Variants in FRMD3 observed in about 807,000 individuals in gnomAD.
The protein encoded by FRMD3 is FERM domain containing 3.
A neutral mutation model predicts 70.2 loss-of-function variants in FRMD3; 33 were observed. The ratio of observed to expected loss-of-function variants is 0.47; its 90% CI spans 0.36 to 0.63. The LOEUF (loss-of-function observed/expected upper bound fraction) is 0.63. Among genes scored for constraint, FRMD3 ranks in the 20% least tolerant of loss-of-function variants. FRMD3 has a pLI of 0.00. For missense variants in FRMD3, 632 were observed against 711.4 expected (o/e 0.89, Z 1.27); for synonymous variants, 279 against 255.9 (o/e 1.09, Z -0.86).
chr9:83,310,161 T>C (rs1205466630), intron 9 of FRMD3, among the ~76,000 whole-genome samples: 5 of 152,200 alleles, frequency 3.3e-5, no homozygotes, highest in African/African-American at 1.2e-4. Context: ...TTTAGCTTTG[T>C]AAGTATTCTT....
chr9:83,461,663 CCCTTTTTTTTTTTTTTTT>C (rs1827975186), intron 1 of FRMD3, among the ~76,000 whole-genome samples: 1 of 126,068 alleles, frequency 7.9e-6, no homozygotes, highest in African/African-American at 2.9e-5. Flanking sequence ...TCAGGAATTT[CCCTTTTTTTTTTTTTTTT>C]TTTTTTTTTT....
chr9:83,531,656 T>C (rs1829794179), intron 1 of FRMD3, among the ~76,000 whole-genome samples: 1 of 152,216 alleles, frequency 6.6e-6, no homozygotes. Context: ...TGGACCTAGC[T>C]TGGATTTCAC....
intron 13 of FRMD3, among the ~76,000 whole-genome samples, chr9:83,263,289 C>T (rs1449124552): frequency 6.6e-6 from 1 of 152,174 alleles, no homozygotes. Context: ...ATTAGAATTC[C>T]TCATTACTTG....
chr9:83,444,458 T>C (rs1564080259), intron 1 of FRMD3, among the ~76,000 whole-genome samples: 1 of 152,342 alleles, frequency 6.6e-6, no homozygotes, highest in East Asian at 1.9e-4. Flanking sequence ...TCTTCAAATC[T>C]TTCCAGGCAA....
chr9:83,299,706 G>A (rs752674868), intron 10 of FRMD3, among the ~76,000 whole-genome samples: 1 of 152,208 alleles, frequency 6.6e-6, no homozygotes, highest in East Asian at 1.9e-4. Flanking sequence ...CAAGGGTCCC[G>A]CATCACCACA....
the FRMD3 span, among the ~76,000 whole-genome samples, chr9:83,572,593 T>C: frequency 2.6e-5 from 4 of 152,162 alleles, 1 homozygote; most frequent in South Asian, 6.2e-4. Flanking sequence ...GGAGAGTAAA[T>C]AGATTAGAGA....
chr9:83,292,560 T>C (rs1162791585), intron 12 of FRMD3, among the ~76,000 whole-genome samples: 1 of 152,256 alleles, frequency 6.6e-6, no homozygotes, highest in Non-Finnish European at 1.5e-5. Context: ...CATATCTATG[T>C]ATAATCCACT....
chr9:83,561,208 A>C, the FRMD3 span, among the ~76,000 whole-genome samples: 1 of 152,210 alleles, frequency 6.6e-6, no homozygotes. Flanking sequence ...AACAAACAGA[A>C]GATATAAGGA....
At chr9:83,310,574 G>A (rs1468166148) in intron 8 of FRMD3, 26 bp from the exon 9 acceptor site, 4 of 1,569,484 alleles carry the variant, frequency 2.5e-6, no homozygotes, top group Non-Finnish European at 3.4e-6. Flanking sequence ...CTCTGGGTAA[G>A]AAGAAAAAAA....
At chr9:83,244,537 A>C (rs1831998119), downstream of FRMD3, 1 of 308,172 alleles carries the variant, frequency 3.2e-6, no homozygotes, top group Non-Finnish European at 4.7e-6. Flanking sequence ...ACCTCATTTC[A>C]TGGTCCTAGA....
chr9:83,581,071 T>C, the FRMD3 span, among the ~76,000 whole-genome samples: 1 of 150,994 alleles, frequency 6.6e-6, no homozygotes. Context: ...TTGAAAATTT[T>C]CATATTAAAG....
At chr9:83,363,748 G>A (rs888412680) in intron 3 of FRMD3, among the ~76,000 whole-genome samples, 2 of 152,026 alleles carry the variant, frequency 1.3e-5, no homozygotes, top group Non-Finnish European at 2.9e-5. Flanking sequence ...TAGAGACGGG[G>A]TTTCACCATG....
chr9:83,540,343 T>C (rs1431922938), upstream of FRMD3, among the ~76,000 whole-genome samples: 2 of 152,266 alleles, frequency 1.3e-5, no homozygotes, highest in South Asian at 2.1e-4. Context: ...AAGAGTCATA[T>C]CAATACCCAA....
At chr9:83,439,145 T>C (rs867483992) in intron 1 of FRMD3, among the ~76,000 whole-genome samples, 26 of 152,208 alleles carry the variant, frequency 1.7e-4, no homozygotes, top group African/African-American at 5.8e-4. Context: ...CATATAATAA[T>C]TTATCTTTCG....
At chr9:83,584,476 T>G in the FRMD3 span, among the ~76,000 whole-genome samples, 3 of 152,068 alleles carry the variant, frequency 2.0e-5, no homozygotes, top group Non-Finnish European at 4.4e-5. Context: ...CCTTCACTCT[T>G]TCATCCCCGT....
At chr9:83,410,367 T>C (rs924335046) in intron 1 of FRMD3, among the ~76,000 whole-genome samples, 2 of 152,190 alleles carry the variant, frequency 1.3e-5, no homozygotes, top group African/African-American at 4.8e-5. Context: ...GTACTCAATG[T>C]TTACCTGCCA....
intron 6 of FRMD3, among the ~76,000 whole-genome samples, chr9:83,326,009 CTG>C (rs1332263076): frequency 6.6e-6 from 1 of 152,154 alleles, no homozygotes; most frequent in African/African-American, 2.4e-5. Flanking sequence ...GCAATGAAGA[CTG>C]TATGTTCTAC....
intron 3 of FRMD3, among the ~76,000 whole-genome samples, chr9:83,356,361 C>T (rs1251444522): frequency 1.1e-4 from 16 of 149,392 alleles, no homozygotes; most frequent in African/African-American, 3.0e-4. Context: ...CTGCAAGCTC[C>T]GCCTCCCGGG....
intron 6 of FRMD3, among the ~76,000 whole-genome samples, chr9:83,323,406 A>G (rs1224877153): frequency 6.6e-6 from 1 of 152,256 alleles, no homozygotes; most frequent in Admixed American, 6.5e-5. Context: ...GCCAAATGCT[A>G]CAGTTCAAAT....
Sources: gnomAD v4.1 joint callset for allele counts (sites outside exome capture counted in the v4.1 genomes callset) on GRCh38, gnomAD v4.1.1 for gene constraint, MANE v1.5 for transcripts, NCBI Gene and HGNC (gene_info 2026-07-23, HGNC 2026-07-21) for gene names.